Variants in RBL1 observed in about 807,000 individuals in gnomAD.
RBL1 encodes RB transcriptional corepressor like 1.
In RBL1, 82 loss-of-function variants were observed where a neutral mutation model predicts 123.0. The ratio of observed to expected loss-of-function variants is 0.67; its 90% CI spans 0.56 to 0.80. The LOEUF (loss-of-function observed/expected upper bound fraction) is 0.80, where lower values mean the gene tolerates loss of function less well. RBL1 is among the 30% of genes least tolerant of loss of function. The pLI is 0.00. For synonymous variants in RBL1, 405 were observed against 441.3 expected, an observed-to-expected ratio of 0.92 and a Z score of 1.03; for missense variants, 1,171 against 1,299.6, an observed-to-expected ratio of 0.90 and a Z score of 1.52.
chr20:37,037,138 A>C lies in RBL1; in HGVS notation c.1904-1630T>G, dbSNP rs1466528933. On this transcript the variant is annotated intron_variant, in intron 14 of 21. Coordinates refer to ENST00000373664, the MANE Select transcript of RBL1 (RefSeq NM_002895.5). ...GTTGTTTCCATTACTCTTTTACAAG[A>C]GTCCATGTGAATGCCTTATATCTAA... is the stretch of plus-strand genomic sequence containing the variant. Among the ~76,000 whole-genome samples, 4 of 152,220 alleles carry C rather than the reference A, an allele frequency of 2.6e-5. No homozygotes were observed. The East Asian group carries it at 7.7e-4, about 29-fold the overall frequency.
chr20:37,025,766 G>A (rs2064409202), intron 16 of RBL1, among the ~76,000 whole-genome samples: 1 of 145,438 alleles, frequency 6.9e-6, no homozygotes, highest in Non-Finnish European at 1.5e-5. Flanking sequence ...TTTTTGAGAT[G>A]GAGTCTTGCT....
At chr20:37,017,620 TTGTGTGTGTGTGTG>T (rs147347259) in intron 19 of RBL1, among the ~76,000 whole-genome samples, 2 of 139,722 alleles carry the variant, frequency 1.4e-5, no homozygotes, top group African/African-American at 2.8e-5. Context: ...GGACATTTTC[TTGTGTGTGTGTGTG>T]TGTGTGTGTG....
intron 15 of RBL1, among the ~76,000 whole-genome samples, chr20:37,033,230 G>C (rs1389762443): frequency 6.7e-6 from 1 of 150,086 alleles, no homozygotes; most frequent in Non-Finnish European, 1.5e-5. Flanking sequence ...CTGTCGCCCA[G>C]GCTGGAGTGC....
chr20:37,082,242 G>A (rs2065464990), intron 2 of RBL1, among the ~76,000 whole-genome samples: 1 of 152,220 alleles, frequency 6.6e-6, no homozygotes, highest in Non-Finnish European at 1.5e-5. Context: ...AGTCAGCCCT[G>A]CACCTCAGTG....
intron 11 of RBL1, among the ~76,000 whole-genome samples, chr20:37,051,708 AAAATT>A (rs2064917096): frequency 6.6e-6 from 1 of 152,150 alleles, no homozygotes; most frequent in Admixed American, 6.6e-5. Context: ...AAAAGAAAAC[AAAATT>A]AAAAAAAAAA....
chr20:37,014,833 C>T (rs1247858640), intron 19 of RBL1, among the ~76,000 whole-genome samples: 3 of 151,928 alleles, frequency 2.0e-5, no homozygotes, highest in South Asian at 2.1e-4. Flanking sequence ...GAGGCCAAGG[C>T]GGGTGGAATA....
chr20:37,083,477 C>T (rs2065487319), intron 2 of RBL1, among the ~76,000 whole-genome samples: 1 of 137,578 alleles, frequency 7.3e-6, no homozygotes, highest in Non-Finnish European at 1.6e-5. Flanking sequence ...TCAAAAAACA[C>T]AAACAAAAAA....
intron 1 of RBL1, among the ~76,000 whole-genome samples, chr20:37,090,445 C>A (rs982605350): frequency 6.6e-6 from 1 of 152,112 alleles, no homozygotes; most frequent in Non-Finnish European, 1.5e-5. Context: ...AAGTTTCTAT[C>A]GTTTTTGCTT....
At chr20:37,061,455 T>G (rs981879642) in intron 8 of RBL1, among the ~76,000 whole-genome samples, 186 bp from the exon 9 acceptor site, 3 of 152,258 alleles carry the variant, frequency 2.0e-5, no homozygotes, top group Admixed American at 1.3e-4. Flanking sequence ...ACATATAATT[T>G]CATTTAATCT....
At position 37,058,137 on chromosome 20, in the gene RBL1, AAAC is replaced by A. The variant is rs1568865689; in HGVS notation, c.1251-1882_1251-1880del. On this transcript the variant is annotated intron_variant, in intron 9 of 21. Transcript: ENST00000373664. ...GTCTAAAAAAAAAAAAAACAAAACA[AAAC>A]AAAAAAAAAAAAGCCTATTCCAGGG... Among the ~76,000 whole-genome samples, 44 of 127,974 alleles carry A rather than the reference AAAC, an allele frequency of 3.4e-4. 2 individuals are homozygous for A. The highest frequency in any genetic ancestry group is 1.1e-3 in the African/African-American group (35 of 30,542). The allele number at this position is 127,974 out of a possible 152,430, so 84.0% of individuals were successfully genotyped here.
In RBL1 at chr20:37,055,352, GT is replaced by G. The variant is rs201331439; in HGVS notation, c.1467+200del. Among the ~76,000 whole-genome samples the G allele has an allele frequency of 8.1e-3, 1,184 of 145,642 alleles. 20 individuals are homozygous for G. The highest frequency in any genetic ancestry group is 0.028 in the African/African-American group (1,107 of 39,848). On this transcript the variant is annotated intron_variant, in intron 11 of 21. Transcript: ENST00000373664. Reference sequence around the variant, plus strand: ...AAAAACACTTAAAAAACACTGATGTGTACCAAAGATGAACTTTACGTTATTT... The same window carrying G: ...AAAAACACTTAAAAAACACTGATGTGACCAAAGATGAACTTTACGTTATTT...
chr20:37,083,291 A>T (rs930545241), intron 2 of RBL1, among the ~76,000 whole-genome samples: 12 of 149,940 alleles, frequency 8.0e-5, no homozygotes, highest in Admixed American at 4.7e-4. Context: ...AACATGGTGA[A>T]ATCCTGTCTC....
At chr20:37,002,719 C>T (rs2064008705) in intron 21 of RBL1, among the ~76,000 whole-genome samples, 1 of 146,786 alleles carries the variant, frequency 6.8e-6, no homozygotes, top group Non-Finnish European at 1.5e-5. Flanking sequence ...TAATGATTTT[C>T]AACATTTTTT....
chr20:37,056,036 C>CAA (rs890079081), intron 10 of RBL1, 110 bp downstream of exon 10: 150 of 1,104,628 alleles, frequency 1.4e-4, no homozygotes, highest in Admixed American at 4.6e-4. Context: ...AACTCGGTCT[C>CAA]AAAAAAAAAA....
chr20:37,003,722 A>C lies in RBL1; in HGVS notation c.3016T>G (p.Phe1006Val). Residue 1006 changes from phenylalanine (F) to valine (V), a missense_variant, in exon 21 of 22, where the codon TTC (phenylalanine) becomes GTC (valine). By Grantham distance (50) the Phe-to-Val change is conservative. Transcript: ENST00000373664. ...CTTACCTTAGAAGGGCTGCCATTGAACTTGTACAGCAGAGCGCTTCTTGGT... is the reference window on the plus strand; with the variant it reads ...CTTACCTTAGAAGGGCTGCCATTGACCTTGTACAGCAGAGCGCTTCTTGGT... ...LTPRSALLYK[F>V]NGSPSKSLKD... is the part of the protein sequence containing the mutation. 1 of 1,611,662 alleles carries C rather than the reference A, an allele frequency of 6.2e-7. No individual in the cohort carries two copies. Among genetic ancestry groups the C allele is most frequent in the Non-Finnish European group, 8.5e-7 (1 of 1,178,990 alleles).
intron 3 of RBL1, 49 bp downstream of exon 3, chr20:37,067,937 A>C: frequency 6.4e-7 from 1 of 1,569,550 alleles, no homozygotes; most frequent in Non-Finnish European, 8.6e-7. Flanking sequence ...ATATTCTCTT[A>C]GTTTGTATCA....
At chr20:37,013,841 T>C (rs1399829311) in intron 19 of RBL1, among the ~76,000 whole-genome samples, 1 of 152,156 alleles carries the variant, frequency 6.6e-6, no homozygotes, top group Non-Finnish European at 1.5e-5. Context: ...TGGTCAGACA[T>C]AGAACTGGGA....
chr20:36,999,574 CT>C (rs1395698016), intron 21 of RBL1, among the ~76,000 whole-genome samples: 2 of 151,962 alleles, frequency 1.3e-5, no homozygotes, highest in Admixed American at 6.6e-5. Context: ...GCCATCTCGG[CT>C]CACTGCAACC....
intron 14 of RBL1, among the ~76,000 whole-genome samples, chr20:37,037,705 T>C (rs1202619152): frequency 7.2e-5 from 11 of 151,728 alleles, no homozygotes. Context: ...AGACGGAGTC[T>C]CACTCTGTCG....
Sources: allele counts gnomAD v4.1 joint callset (sites outside exome capture counted in the v4.1 genomes callset), GRCh38; gene constraint gnomAD v4.1.1; transcripts MANE v1.5; gene names NCBI Gene and HGNC (gene_info 2026-07-23, HGNC 2026-07-21).